The following NAALADL2 variants were observed in gnomAD, a reference collection of about 807,000 sequenced individuals.
The protein encoded by NAALADL2 is inactive N-acetylated-alpha-linked acidic dipeptidase-like protein 2.
A neutral mutation model predicts 87.2 loss-of-function variants in NAALADL2; 76 were observed. The ratio of observed to expected loss-of-function variants is 0.87; its 90% CI spans 0.72 to 1.05. The LOEUF is 1.05. NAALADL2 is among the 50% of genes least tolerant of loss of function. The pLI is 0.00. For missense variants in NAALADL2, 1,089 were observed against 945.8 expected (o/e 1.15, Z -1.99); for synonymous variants, 354 against 331.0 (o/e 1.07, Z -0.75).
At chr3:174,738,792 A>T (rs1733474256) in intron 3 of NAALADL2, among the ~76,000 whole-genome samples, 1 of 152,226 alleles carries the variant, frequency 6.6e-6, no homozygotes, top group African/African-American at 2.4e-5. Context: ...TTAAAACTAA[A>T]TAAGTAAAAA....
chr3:174,722,098 G>A (rs979562789), intron 2 of NAALADL2, among the ~76,000 whole-genome samples: 12 of 152,104 alleles, frequency 7.9e-5, no homozygotes, highest in African/African-American at 2.9e-4. Context: ...TAGTTATTTA[G>A]GGCCCTTTCC....
At chr3:175,780,813 T>A (rs1215414100) in intron 13 of NAALADL2, among the ~76,000 whole-genome samples, 1 of 152,216 alleles carries the variant, frequency 6.6e-6, no homozygotes, top group Non-Finnish European at 1.5e-5. Context: ...AGAATAGGCA[T>A]CATTAAAAAT....
intron 3 of NAALADL2, among the ~76,000 whole-genome samples, chr3:175,250,261 G>GTT (rs1371349137): frequency 2.1e-5 from 3 of 140,860 alleles, no homozygotes; most frequent in East Asian, 4.0e-4. Context: ...TTCTGTGTGT[G>GTT]TGTGTGTGTG....
At chr3:175,735,213 A>G (rs1744340177) in intron 11 of NAALADL2, among the ~76,000 whole-genome samples, 1 of 152,200 alleles carries the variant, frequency 6.6e-6, no homozygotes, top group Non-Finnish European at 1.5e-5. Flanking sequence ...AGTTCCCAAC[A>G]AGTTCCTTAT....
intron 9 of NAALADL2, among the ~76,000 whole-genome samples, chr3:175,475,386 G>A (rs1220003774): frequency 1.3e-5 from 2 of 152,068 alleles, no homozygotes; most frequent in Admixed American, 6.6e-5. Flanking sequence ...AAACACATAT[G>A]CACCTCTCCC....
In NAALADL2 at chr3:175,137,175, G is replaced by A. The variant is rs560282748; in HGVS notation, c.545+39884G>A. On this transcript the variant is annotated intron_variant, in intron 2 of 13. Transcript: ENST00000454872. ...TTACACAATAATAATCTCCCACTAT[G>A]GAAAAATTGAAAAATGCATAAATAT... Among the ~76,000 whole-genome samples the A allele has an allele frequency of 2.1e-4, 32 of 151,844 alleles. 1 individual carries two copies. The highest frequency in any genetic ancestry group is 4.6e-4 in the Admixed American group (7 of 15,258).
chr3:175,801,075 C>G (rs1754090788), intron 13 of NAALADL2, among the ~76,000 whole-genome samples: 1 of 152,060 alleles, frequency 6.6e-6, no homozygotes, highest in Admixed American at 6.6e-5. Flanking sequence ...ATCAAGAACT[C>G]AATCAAGTTG....
At chr3:175,136,774 A>G (rs569059328) in intron 2 of NAALADL2, among the ~76,000 whole-genome samples, 5 of 152,286 alleles carry the variant, frequency 3.3e-5, no homozygotes, top group African/African-American at 1.2e-4. Flanking sequence ...TCTACTTTAA[A>G]GAGTCTAGTG....
intron 5 of NAALADL2, 119 bp from the exon 6 acceptor site, chr3:175,447,110 C>T: frequency 1.6e-6 from 1 of 614,718 alleles, no homozygotes; most frequent in East Asian, 2.9e-5. Context: ...AGTAGATAAA[C>T]AAGTGAATGA....
intron 9 of NAALADL2, among the ~76,000 whole-genome samples, chr3:175,492,101 A>AT (rs762665341): frequency 3.0e-4 from 45 of 152,146 alleles, no homozygotes; most frequent in Non-Finnish European, 5.7e-4. Flanking sequence ...TATAATAAGA[A>AT]TTTTTTCAAA....
intron 1 of NAALADL2, among the ~76,000 whole-genome samples, chr3:174,950,060 T>G (rs1015736964): frequency 6.6e-6 from 1 of 152,164 alleles, no homozygotes; most frequent in African/African-American, 2.4e-5. Context: ...AGTATTGGTT[T>G]CCTATTTTTA....
At chr3:174,764,623 C>G (rs571044513) in intron 3 of NAALADL2, among the ~76,000 whole-genome samples, 17 of 152,164 alleles carry the variant, frequency 1.1e-4, no homozygotes, top group Middle Eastern at 3.4e-3. Context: ...TAAAAACAAA[C>G]AAACAAAAAT....
At chr3:174,807,260 TC>T (rs1719614006) in intron 3 of NAALADL2, among the ~76,000 whole-genome samples, 1 of 152,050 alleles carries the variant, frequency 6.6e-6, no homozygotes, top group Non-Finnish European at 1.5e-5. Context: ...ATTTTCAGCT[TC>T]TGCTTGTAGT....
chr3:175,578,583 C>G (rs1363747552), intron 10 of NAALADL2, among the ~76,000 whole-genome samples: 1 of 152,146 alleles, frequency 6.6e-6, no homozygotes, highest in Non-Finnish European at 1.5e-5. Flanking sequence ...ATTATTAACT[C>G]TGTTCATGCT....
At chr3:175,266,356 TA>T (rs10714522) in intron 4 of NAALADL2, among the ~76,000 whole-genome samples, 9,879 of 151,498 alleles carry the variant, frequency 0.065, 1,076 homozygotes, top group African/African-American at 0.23. Context: ...AATTTTTTAT[TA>T]AAAAATTAGG....
chr3:175,117,499 G>A (rs185657140), intron 2 of NAALADL2, among the ~76,000 whole-genome samples: 1 of 151,926 alleles, frequency 6.6e-6, no homozygotes, highest in African/African-American at 2.4e-5. Flanking sequence ...GCAGCCAACA[G>A]ACACATGAAA....
At chr3:175,768,717 T>G (rs1244866469) in intron 13 of NAALADL2, among the ~76,000 whole-genome samples, 1 of 152,050 alleles carries the variant, frequency 6.6e-6, no homozygotes, top group Non-Finnish European at 1.5e-5. Flanking sequence ...CTGGGCATGG[T>G]GGTGCACCCC....
At chr3:175,184,092 G>A (rs187512264) in intron 2 of NAALADL2, among the ~76,000 whole-genome samples, 12 of 152,102 alleles carry the variant, frequency 7.9e-5, no homozygotes, top group South Asian at 4.2e-4. Flanking sequence ...CCTGTACTAT[G>A]ATTGATGATG....
chr3:175,044,574 C>G (rs1206156762), intron 1 of NAALADL2, among the ~76,000 whole-genome samples: 2 of 152,080 alleles, frequency 1.3e-5, no homozygotes, highest in African/African-American at 2.4e-5. Flanking sequence ...CATTCATGTT[C>G]ATACATATAA....
Sources: allele counts gnomAD v4.1 joint callset (sites outside exome capture counted in the v4.1 genomes callset), GRCh38; gene constraint gnomAD v4.1.1; transcripts MANE v1.5; gene names NCBI Gene and HGNC (gene_info 2026-07-23, HGNC 2026-07-21).